DNM1: variants seen among roughly 807,000 people sequenced by gnomAD.
DNM1 encodes the protein dynamin-1.
DNM1 carries 29 observed loss-of-function variants against 104.6 expected under a neutral mutation model. That is an observed-to-expected ratio of 0.28 (90% CI 0.21 to 0.38). The LOEUF (loss-of-function observed/expected upper bound fraction) is 0.38. Among genes scored for constraint, DNM1 ranks in the 10% least tolerant of loss-of-function variants. The probability of loss-of-function intolerance (pLI) is 1.00; values close to 1 mark genes in which losing one functional copy is unlikely to be tolerated. For synonymous variants in DNM1, 445 were observed against 475.8 expected (o/e 0.94, Z 0.84); for missense variants, 640 against 1,189.4 (o/e 0.54, Z 6.79).
Position 128,254,979 on chromosome 9 carries a change from C to T in DNM1, c.*265C>T. 5.6e-6 allele frequency: 2 copies of T among 358,130 alleles called. No individual in the cohort carries two copies. The highest frequency in any genetic ancestry group is 1.0e-5 in the Non-Finnish European group (2 of 198,886). The allele number at this position is 358,130 out of a possible 1,614,324, so 22.2% of individuals were successfully genotyped here. ...ACATGGCCAACCGCCTCGCCTCTAG[C>T]GCTGGGAATCAGTCACTGTGCTATC... On this transcript the variant is annotated 3_prime_UTR_variant, in exon 22 of 22. Transcript: ENST00000372923. This position sits in a 1 kb window ranked among gnomAD's most constrained non-coding sequence, Gnocchi z 6.1.
In DNM1 at chr9:128,248,748, A is replaced by C. The variant is rs966338819; in HGVS notation, c.2071A>C (p.Asn691His). The change falls in exon 19 of 22, where the codon AAC becomes CAC. Residue 691 changes from asparagine to histidine, a missense_variant. Around this residue, in one of 7 missense-constraint regions of DNM1, gnomAD observed 91 missense variants for 256.3 expected, o/e 0.36. Coordinates refer to ENST00000372923, the MANE Select transcript of DNM1 (RefSeq NM_004408.4). This position sits in a 1 kb window ranked among gnomAD's most constrained non-coding sequence, Gnocchi z 5.6. ...CAAGACCATCATGCACCTCATGATTAACAATGTGCGTGCTCCACTGCATGG... is the reference window on the plus strand; with the variant it reads ...CAAGACCATCATGCACCTCATGATTCACAATGTGCGTGCTCCACTGCATGG... ...MPKTIMHLMI[N>H]NTKEFIFSEL... is the part of the protein sequence containing the mutation. 1.9e-6 allele frequency: 3 copies of C among 1,612,706 alleles called. No individual in the cohort carries two copies. The African/African-American group carries it at 4.0e-5, about 22-fold the overall frequency.
At position 128,250,835 on chromosome 9, in the gene DNM1, G is replaced by C. The variant is rs888747029; in HGVS notation, c.2429G>C (p.Gly810Ala). ...PGPPPAGSAL[G>A]GAPPVPSRPG... is the part of the protein sequence containing the mutation. ...CCTCCGCCTGCTGGGTCCGCCCTGG[G>C]GGGGGCGCCCCCCGTGCCCTCCAGG... Residue 810 changes from glycine to alanine, a missense_variant, in exon 21 of 22, where the codon GGG becomes GCG. This residue lies in a region of DNM1 where 129 missense variants were observed against 224.6 expected (regional missense o/e 0.57). Transcript: ENST00000372923. The C allele has an allele frequency of 4.6e-6, 6 of 1,309,460 alleles. No individual in the cohort carries two copies. In the East Asian group the frequency reaches 9.3e-5, roughly 20 times the overall value. 81.1% of individuals were successfully genotyped at this position (1,309,460 alleles called of 1,614,324 possible). A position where few individuals can be genotyped will look rare whatever the true frequency, so the allele number is the denominator to read the frequency against.
chr9:128,213,084 TTTTG>T (rs771914007), intron 1 of DNM1, among the ~76,000 whole-genome samples: 10 of 152,168 alleles, frequency 6.6e-5, no homozygotes, highest in Admixed American at 2.0e-4. Flanking sequence ...TTCTGGATCT[TTTTG>T]TTTGTTTGTT....
intron 11 of DNM1, among the ~76,000 whole-genome samples, chr9:128,235,968 C>T (rs970461648): frequency 3.9e-5 from 6 of 152,056 alleles, no homozygotes; most frequent in African/African-American, 1.2e-4. Context: ...CTGCCTCAGC[C>T]TCCCAAAATG....
At position 128,222,531 on chromosome 9, in the gene DNM1, G is replaced by C; in HGVS notation, c.1063G>C (p.Glu355Gln). 6.2e-7 allele frequency: 1 copy of C among 1,614,168 alleles called. No homozygotes were observed. Among genetic ancestry groups the C allele is most frequent in the Non-Finnish European group, 8.5e-7 (1 of 1,180,024 alleles). Residue 355 changes from glutamate (E) to glutamine (Q), a missense_variant, in exon 8 of 22, where the codon GAA (glutamate) becomes CAA (glutamine). Around this residue, in one of 7 missense-constraint regions of DNM1, gnomAD observed 38 missense variants for 113.5 expected, o/e 0.33. Transcript: ENST00000372923. This position sits in a 1 kb window ranked among gnomAD's most constrained non-coding sequence, Gnocchi z 7.8. ...EGSGDQIDTY[E>Q]LSGGARINRI... The stretch of plus-strand genomic sequence containing the variant: ...CTCAGGAGATCAGATCGACACCTAC[G>C]AACTGTCAGGGGGAGCCCGCATTAA...
rs373253077 is a variant in DNM1, at chr9:128,220,885, T to TTTTC, written c.849+592_849+595dup. Among the ~76,000 whole-genome samples the TTTTC allele has an allele frequency of 0.16, 19,242 of 117,292 alleles. 1,714 individuals carry two copies. Among genetic ancestry groups the TTTTC allele is most frequent in the East Asian group, 0.21 (793 of 3,796 alleles). 76.9% of individuals were successfully genotyped at this position (117,292 alleles called of 152,430 possible). ...CCTCTATTTCTTTTTTCTTTATTTG[T>TTTTC]TTTCTTTCTTTCTTTCTTTCTTTCT... On this transcript the variant is annotated intron_variant, in intron 6 of 21. Coordinates refer to ENST00000372923, the MANE Select transcript of DNM1 (RefSeq NM_004408.4). This position sits in a 1 kb window ranked among gnomAD's most constrained non-coding sequence, Gnocchi z 5.2.
Position 128,248,201 on chromosome 9 carries a change from C to G in DNM1, c.1905+266C>G. 1.9e-6 allele frequency: 1 copy of G among 536,202 alleles called. No homozygotes were observed. The highest frequency in any genetic ancestry group is 5.1e-4 in the Middle Eastern group (1 of 1,970). The allele number at this position is 536,202 out of a possible 1,614,324, so 33.2% of individuals were successfully genotyped here. A position where few individuals can be genotyped will look rare whatever the true frequency, so the allele number is the denominator to read the frequency against. The stretch of plus-strand genomic sequence containing the variant: ...AATTAGCCAGGCATGGTGGTGCGCG[C>G]CTGTAATCCCAGCTACTCAGGAGGC... On this transcript the variant is annotated intron_variant, in intron 18 of 21. Coordinates refer to ENST00000372923, the MANE Select transcript of DNM1 (RefSeq NM_004408.4). The surrounding 1 kb of genome is among the most constrained non-coding windows in gnomAD (Gnocchi z 5.6).
Position 128,240,656 on chromosome 9 carries a change from AC to A in DNM1, c.1557+661del, listed in dbSNP as rs1836308596. The A allele has an allele frequency of 6.5e-6, 1 of 152,692 alleles. No individual in the cohort carries two copies. The highest frequency in any genetic ancestry group is 1.5e-5 in the Non-Finnish European group (1 of 68,430). 9.5% of individuals were successfully genotyped at this position (152,692 alleles called of 1,614,324 possible). On this transcript the variant is annotated intron_variant, in intron 14 of 21. Coordinates refer to ENST00000372923, the MANE Select transcript of DNM1 (RefSeq NM_004408.4). The surrounding 1 kb of genome is among the most constrained non-coding windows in gnomAD (Gnocchi z 5.1). ...CCTCAGCTCAAGCCCCTAGCCTGGC[AC>A]GCAGTAGGTGCTCAACAGAATGAAG...
chr9:128,251,489 G>A (rs781495989), intron 21 of DNM1: 19 of 231,274 alleles, frequency 8.2e-5, no homozygotes, highest in Non-Finnish European at 1.5e-4. Flanking sequence ...GTGACTGTGT[G>A]ACTAGAAAGG....
chr9:128,208,751 G>T (rs992824437), intron 1 of DNM1, among the ~76,000 whole-genome samples: 1 of 152,106 alleles, frequency 6.6e-6, no homozygotes, highest in Admixed American at 6.5e-5. Context: ...CACGTTTGTC[G>T]TGTATTTTGA....
In DNM1 at chr9:128,218,264, C is replaced by G. The variant is rs1425311393; in HGVS notation, c.195C>G (p.Thr65=). The G allele has an allele frequency of 6.2e-7, 1 of 1,614,082 alleles. No individual in the cohort carries two copies. The highest frequency in any genetic ancestry group is 8.5e-7 in the Non-Finnish European group (1 of 1,180,010). The stretch of plus-strand genomic sequence containing the variant: ...TGCCTCGAGGATCTGGCATTGTCAC[C>G]CGACGTCCCCTGGTCTTGCAGCTGG... ...DFLPRGSGIV[T]RRPLVLQLVN... The change falls in exon 2 of 22, where the codon ACC becomes ACG. Residue 65 remains threonine, a synonymous_variant. Coordinates refer to ENST00000372923, the MANE Select transcript of DNM1 (RefSeq NM_004408.4). The surrounding 1 kb of genome is among the most constrained non-coding windows in gnomAD (Gnocchi z 4.8).
Position 128,254,342 on chromosome 9 carries a change from C to T in DNM1, c.2535-312C>T, listed in dbSNP as rs894335740. 20 of 1,404,588 alleles carry T rather than the reference C, an allele frequency of 1.4e-5. No homozygotes were observed. The South Asian group carries it at 1.7e-4, about 12-fold the overall frequency. 87.0% of individuals were successfully genotyped at this position (1,404,588 alleles called of 1,614,324 possible). ...AGAGAAGAGGGAAGCCCGAGGGGGCCGAGCATCAGCCTGAATTGCGGGTGC... is the reference window on the plus strand; with the variant it reads ...AGAGAAGAGGGAAGCCCGAGGGGGCTGAGCATCAGCCTGAATTGCGGGTGC... On this transcript the variant is annotated intron_variant, in intron 21 of 21. Transcript: ENST00000372923. The surrounding 1 kb of genome is among the most constrained non-coding windows in gnomAD (Gnocchi z 6.1).
Position 128,242,282 on chromosome 9 carries a change from G to A in DNM1, c.1608G>A (p.Gly536=). 6.2e-7 allele frequency: 1 copy of A among 1,613,630 alleles called. No homozygotes were observed. Among genetic ancestry groups the A allele is most frequent in the Non-Finnish European group, 8.5e-7 (1 of 1,179,542 alleles). The change falls in exon 15 of 22, where the codon GGG becomes GGA. Residue 536 remains glycine (G), a synonymous_variant. Coordinates refer to ENST00000372923, the MANE Select transcript of DNM1 (RefSeq NM_004408.4). ...TCAATAATATTGGCATCATGAAAGG[G>A]GGCTCCAAGGAGTACTGGTTTGTGC... The part of the protein sequence containing the change: ...LTINNIGIMK[G]GSKEYWFVLT...
At chr9:128,237,103 G>A (rs1366706699) in intron 11 of DNM1, among the ~76,000 whole-genome samples, 1 of 152,168 alleles carries the variant, frequency 6.6e-6, no homozygotes, top group Admixed American at 6.5e-5. Context: ...GGCTAAGTGA[G>A]GACAGACCCC....
At chr9:128,214,553 AGTAGGG>A (rs1468757344) in intron 1 of DNM1, among the ~76,000 whole-genome samples, 2 of 152,160 alleles carry the variant, frequency 1.3e-5, no homozygotes, top group African/African-American at 4.8e-5. Flanking sequence ...CAGGTCCTAG[AGTAGGG>A]GTAGGGGTAG....
rs754950978 is a variant in DNM1, at chr9:128,220,740, C to CGT, written c.849+400_849+401insTG. Reference sequence around the variant, plus strand: ...TCCAGAACTGAAGTGCGCGCGCGCGCGCGTGTGTGTGTGTGTGTGTGTGTG... The same window carrying CGT: ...TCCAGAACTGAAGTGCGCGCGCGCGCGTGCGTGTGTGTGTGTGTGTGTGTGTG... On this transcript the variant is annotated intron_variant, in intron 6 of 21. Coordinates refer to ENST00000372923, the MANE Select transcript of DNM1 (RefSeq NM_004408.4). The surrounding 1 kb of genome is among the most constrained non-coding windows in gnomAD (Gnocchi z 5.2). Among the ~76,000 whole-genome samples the CGT allele has an allele frequency of 2.0e-4, 25 of 125,776 alleles. No homozygotes were observed. The highest frequency in any genetic ancestry group is 1.2e-3 in the South Asian group (4 of 3,214). The allele number at this position is 125,776 out of a possible 152,430, so 82.5% of individuals were successfully genotyped here.
intron 1 of DNM1, among the ~76,000 whole-genome samples, chr9:128,217,773 G>T (rs1407218897): frequency 6.6e-6 from 1 of 152,168 alleles, no homozygotes; most frequent in Non-Finnish European, 1.5e-5. Flanking sequence ...CTAGCCATAT[G>T]GAGCCTGGAG....
Position 128,222,192 on chromosome 9 carries a change from C to A in DNM1, c.850-5C>A. ...CCTCAACCCTTTCCTCACCCTTACC[C>A]CCAGCAACTGACGAACCACATCCGG... is the stretch of plus-strand genomic sequence containing the variant. On this transcript the variant is annotated splice_region_variant and splice_polypyrimidine_tract_variant and intron_variant, in intron 6 of 21. Transcript: ENST00000372923. This position sits in a 1 kb window ranked among gnomAD's most constrained non-coding sequence, Gnocchi z 7.8. 1 of 1,611,000 alleles carries A rather than the reference C, an allele frequency of 6.2e-7. No homozygotes were observed.
chr9:128,248,826 G>A lies in DNM1; in HGVS notation c.2076+73G>A. 1 of 1,536,036 alleles carries A rather than the reference G, an allele frequency of 6.5e-7. No homozygotes were observed. Among genetic ancestry groups the A allele is most frequent in the Non-Finnish European group, 8.9e-7 (1 of 1,120,546 alleles). On this transcript the variant is annotated intron_variant, in intron 19 of 21. Transcript: ENST00000372923. The surrounding 1 kb of genome is among the most constrained non-coding windows in gnomAD (Gnocchi z 5.6). ...ATGCAGGTGGCCATGTTGGCCTGGGGGAGATGCCAACCAGCCCTATGGGAC... is the reference window on the plus strand; with the variant it reads ...ATGCAGGTGGCCATGTTGGCCTGGGAGAGATGCCAACCAGCCCTATGGGAC...
Sources: allele counts gnomAD v4.1 joint callset (sites outside exome capture counted in the v4.1 genomes callset), GRCh38; gene constraint gnomAD v4.1.1; regional missense constraint gnomAD v4.1.1; non-coding constraint Gnocchi (gnomAD v3.1); transcripts MANE v1.5; gene names NCBI Gene and HGNC (gene_info 2026-07-23, HGNC 2026-07-21).